AP3S1: variants seen among roughly 807,000 people sequenced by gnomAD.
The protein encoded by AP3S1 is adaptor related protein complex 3 subunit sigma 1.
Under a neutral mutation model 21.3 loss-of-function variants are expected in AP3S1, and 12 were observed. The ratio of observed to expected loss-of-function variants is 0.56; its 90% CI spans 0.36 to 0.91. AP3S1 has a LOEUF of 0.91. AP3S1 is among the 40% of genes least tolerant of loss of function. The pLI is 0.01. For synonymous variants in AP3S1, 48 were observed against 78.4 expected, an observed-to-expected ratio of 0.61 and a Z score of 2.05; for missense variants, 116 against 225.0, an observed-to-expected ratio of 0.52 and a Z score of 3.10.
At chr5:115,901,680 G>A (rs12520442) in intron 4 of AP3S1, among the ~76,000 whole-genome samples, 7 of 151,612 alleles carry the variant, frequency 4.6e-5, no homozygotes, top group South Asian at 2.1e-4. Context: ...TCAGCCTCCC[G>A]AGTAGCTGGA....
intron 3 of AP3S1, among the ~76,000 whole-genome samples, chr5:115,874,960 A>C (rs538697502): frequency 1.3e-5 from 2 of 152,170 alleles, no homozygotes; most frequent in Non-Finnish European, 1.5e-5. Context: ...AAACAGGGAT[A>C]ATAATAATAA....
At chr5:115,878,831 A>G (rs537758963) in intron 3 of AP3S1, among the ~76,000 whole-genome samples, 3 of 152,210 alleles carry the variant, frequency 2.0e-5, no homozygotes, top group Admixed American at 6.5e-5. Context: ...ATCCATGAGC[A>G]TGGAATGTTT....
chr5:115,875,100 A>G (rs537366602), intron 3 of AP3S1, among the ~76,000 whole-genome samples: 64 of 152,338 alleles, frequency 4.2e-4, no homozygotes, highest in Non-Finnish European at 7.2e-4. Flanking sequence ...AGAAAGGCAT[A>G]TAAAATATTA....
chr5:115,853,587 A>G (rs1461631583), intron 1 of AP3S1, among the ~76,000 whole-genome samples: 1 of 152,188 alleles, frequency 6.6e-6, no homozygotes, highest in African/African-American at 2.4e-5. Context: ...AGAGTTTAGT[A>G]GCCTTAATTC....
At chr5:115,882,643 C>G (rs1270037933) in intron 3 of AP3S1, among the ~76,000 whole-genome samples, 1 of 152,182 alleles carries the variant, frequency 6.6e-6, no homozygotes, top group Non-Finnish European at 1.5e-5. Context: ...TTGACCCGTG[C>G]TGGGAGGTGT....
intron 3 of AP3S1, among the ~76,000 whole-genome samples, chr5:115,877,393 T>A (rs1411747241): frequency 2.6e-5 from 4 of 152,110 alleles, no homozygotes; most frequent in African/African-American, 9.7e-5. Flanking sequence ...GATGTTCCCC[T>A]CCCTGTGTCC....
At chr5:115,909,379 A>G (rs1287294563) in intron 5 of AP3S1, among the ~76,000 whole-genome samples, 1 of 152,214 alleles carries the variant, frequency 6.6e-6, no homozygotes. Flanking sequence ...GAAATTTCCA[A>G]GAGTATGTCT....
chr5:115,895,020 C>T, intron 3 of AP3S1, 67 bp from the exon 4 acceptor site: 1 of 1,057,376 alleles, frequency 9.5e-7, no homozygotes, highest in South Asian at 1.6e-5. Flanking sequence ...TAAGAATTGC[C>T]TTCCTTATAG....
intron 1 of AP3S1, among the ~76,000 whole-genome samples, chr5:115,846,182 C>T (rs1449248167): frequency 6.6e-6 from 1 of 151,942 alleles, no homozygotes; most frequent in Non-Finnish European, 1.5e-5. Context: ...AAAAATTTTT[C>T]TTTTTTTATA....
At chr5:115,901,256 T>A (rs1385109483) in intron 4 of AP3S1, among the ~76,000 whole-genome samples, 1 of 152,148 alleles carries the variant, frequency 6.6e-6, no homozygotes, top group African/African-American at 2.4e-5. Context: ...GCACAGCAAG[T>A]TTTCTAGGAT....
chr5:115,845,331 C>T (rs1426787662), intron 1 of AP3S1, among the ~76,000 whole-genome samples: 3 of 151,970 alleles, frequency 2.0e-5, no homozygotes, highest in Non-Finnish European at 4.4e-5. Context: ...TCCTACTGCA[C>T]TTCATTTTCA....
intron 3 of AP3S1, among the ~76,000 whole-genome samples, chr5:115,892,340 A>G (rs898603995): frequency 2.0e-5 from 3 of 152,228 alleles, no homozygotes; most frequent in African/African-American, 4.8e-5. Context: ...CAGTGTGTCA[A>G]AGAGATATCT....
chr5:115,866,956 A>C (rs1213322684), intron 2 of AP3S1, among the ~76,000 whole-genome samples, 195 bp downstream of exon 2: 2 of 152,102 alleles, frequency 1.3e-5, no homozygotes, highest in African/African-American at 4.8e-5. Flanking sequence ...CCTCTTAAAA[A>C]TTTTGGAAGG....
chr5:115,909,775 C>T (rs750747175), intron 5 of AP3S1, among the ~76,000 whole-genome samples: 1 of 152,088 alleles, frequency 6.6e-6, no homozygotes, highest in Non-Finnish European at 1.5e-5. Flanking sequence ...TTACAGTAAT[C>T]CCCCCTTACC....
At chr5:115,906,603 A>G (rs1751674237) in intron 5 of AP3S1, among the ~76,000 whole-genome samples, 1 of 152,080 alleles carries the variant, frequency 6.6e-6, no homozygotes. Context: ...CGGGGGAAGT[A>G]TAAGAGGCAC....
At chr5:115,874,641 T>C (rs1377743501) in intron 3 of AP3S1, among the ~76,000 whole-genome samples, 3 of 152,280 alleles carry the variant, frequency 2.0e-5, no homozygotes, top group African/African-American at 7.2e-5. Context: ...AAACTGGAGC[T>C]CCATATATAA....
At chr5:115,858,923 T>TA (rs61140612) in intron 1 of AP3S1, among the ~76,000 whole-genome samples, 1 of 151,330 alleles carries the variant, frequency 6.6e-6, no homozygotes, top group East Asian at 1.9e-4. Context: ...TTTAACTTTT[T>TA]AAAAAAATTT....
At chr5:115,876,501 C>T (rs1289996380) in intron 3 of AP3S1, among the ~76,000 whole-genome samples, 2 of 152,054 alleles carry the variant, frequency 1.3e-5, no homozygotes, top group Non-Finnish European at 2.9e-5. Context: ...TGGAGAGACT[C>T]CCCAAATTTA....
At chr5:115,879,136 T>A (rs1397849226) in intron 3 of AP3S1, among the ~76,000 whole-genome samples, 3 of 152,210 alleles carry the variant, frequency 2.0e-5, no homozygotes, top group Admixed American at 6.5e-5. Context: ...AATCATGTCA[T>A]CTGCAAACAG....
Sources: gnomAD v4.1 joint callset for allele counts (sites outside exome capture counted in the v4.1 genomes callset) on GRCh38, gnomAD v4.1.1 for gene constraint, MANE v1.5 for transcripts, NCBI Gene and HGNC (gene_info 2026-07-23, HGNC 2026-07-21) for gene names.